The following DESI2 variants were observed in gnomAD, a reference collection of about 807,000 sequenced individuals.
DESI2 encodes the protein deubiquitinase DESI2.
A neutral mutation model predicts 24.1 loss-of-function variants in DESI2; 10 were observed. The observed-to-expected ratio is 0.41, with a 90% CI of 0.26 to 0.70. The LOEUF is 0.70. Ranked by LOEUF, DESI2 falls within the 30% of genes least tolerant of loss-of-function variation. The probability of loss-of-function intolerance (pLI) is 0.29; values close to 1 mark genes in which losing one functional copy is unlikely to be tolerated. For missense variants in DESI2, 122 were observed against 234.9 expected, an observed-to-expected ratio of 0.52 and a Z score of 3.14; for synonymous variants, 71 against 87.7, an observed-to-expected ratio of 0.81 and a Z score of 1.06.
At position 244,653,293 on chromosome 1, in the gene DESI2, G is replaced by A; in HGVS notation, c.-21G>A. 1 of 1,489,814 alleles carries A rather than the reference G, an allele frequency of 6.7e-7. No homozygotes were observed. The highest frequency in any genetic ancestry group is 8.9e-7 in the Non-Finnish European group (1 of 1,124,892). 92.3% of individuals were successfully genotyped at this position (1,489,814 alleles called of 1,614,324 possible). On this transcript the variant is annotated 5_prime_UTR_variant, in exon 1 of 5. Transcript: ENST00000302550. Reference sequence around the variant, plus strand: ...GGAGACGGAGCGGCTTGAGGACGAGGCGGCGGCCGCGGGGAGGAGGATGGG... The same window carrying A: ...GGAGACGGAGCGGCTTGAGGACGAGACGGCGGCCGCGGGGAGGAGGATGGG...
chr1:244,654,850 T>C (rs1675591919), intron 1 of DESI2, among the ~76,000 whole-genome samples: 3 of 152,226 alleles, frequency 2.0e-5, no homozygotes, highest in South Asian at 2.1e-4. Flanking sequence ...TTACTGTCTT[T>C]CAGAATATAT....
At chr1:244,704,300 T>C (rs1241347207) in intron 4 of DESI2, among the ~76,000 whole-genome samples, 4 of 152,158 alleles carry the variant, frequency 2.6e-5, no homozygotes, top group Non-Finnish European at 4.4e-5. Flanking sequence ...TCATAATCTT[T>C]GGTATAATTG....
intron 1 of DESI2, among the ~76,000 whole-genome samples, chr1:244,683,501 C>T (rs879590240): frequency 4.0e-5 from 6 of 151,896 alleles, no homozygotes; most frequent in South Asian, 2.1e-4. Context: ...TCAGTAGAGA[C>T]AGGGTTTCAC....
chr1:244,702,785 C>T (rs1401687640), intron 4 of DESI2, among the ~76,000 whole-genome samples: 1 of 152,168 alleles, frequency 6.6e-6, no homozygotes, highest in African/African-American at 2.4e-5. Flanking sequence ...AAGTCAGCTT[C>T]ACCTGTAGCA....
At chr1:244,659,713 T>C (rs572902675) in intron 1 of DESI2, among the ~76,000 whole-genome samples, 1 of 152,218 alleles carries the variant, frequency 6.6e-6, no homozygotes, top group African/African-American at 2.4e-5. Context: ...TTCCTGATAT[T>C]GAGGTCCATA....
intron 4 of DESI2, among the ~76,000 whole-genome samples, chr1:244,704,376 A>T (rs558046548): frequency 6.6e-6 from 1 of 152,280 alleles, no homozygotes; most frequent in East Asian, 1.9e-4. Context: ...TGCACAAGAG[A>T]AAAAGGATAA....
intron 1 of DESI2, among the ~76,000 whole-genome samples, chr1:244,671,388 G>A (rs1018578408): frequency 6.6e-6 from 1 of 152,088 alleles, no homozygotes. Context: ...TTTTCTGCAA[G>A]GCCGGCCCCC....
At chr1:244,660,185 GTTGTT>G (rs1195360018) in intron 1 of DESI2, among the ~76,000 whole-genome samples, 3 of 152,046 alleles carry the variant, frequency 2.0e-5, no homozygotes, top group African/African-American at 7.2e-5. Flanking sequence ...TGTTGTTGTT[GTTGTT>G]TTGAGACAGA....
At chr1:244,671,903 G>A (rs1676260315) in intron 1 of DESI2, among the ~76,000 whole-genome samples, 1 of 152,212 alleles carries the variant, frequency 6.6e-6, no homozygotes, top group South Asian at 2.1e-4. Flanking sequence ...CTTGACCTGT[G>A]TAGGGAGATT....
At chr1:244,665,877 A>G (rs1019612381) in intron 1 of DESI2, among the ~76,000 whole-genome samples, 1 of 152,118 alleles carries the variant, frequency 6.6e-6, no homozygotes, top group Non-Finnish European at 1.5e-5. Flanking sequence ...TCCCCTCTTC[A>G]TCTGGGCTAT....
intron 1 of DESI2, among the ~76,000 whole-genome samples, chr1:244,681,010 T>C (rs1676595128): frequency 6.6e-6 from 1 of 151,752 alleles, no homozygotes; most frequent in South Asian, 2.1e-4. Flanking sequence ...TTCAATATGC[T>C]ATAGTCCATT....
Position 244,689,099 on chromosome 1 carries a change from A to G in DESI2, c.116-150A>G. ...TTTTGTGACAACTGTTTATACGAGT[A>G]ATAGCTAAGTGAGATATTTGTGAAA... On this transcript the variant is annotated intron_variant, in intron 2 of 4. Coordinates refer to ENST00000302550, the MANE Select transcript of DESI2 (RefSeq NM_016076.5). This position sits in a 1 kb window ranked among gnomAD's most constrained non-coding sequence, Gnocchi z 4.0. 1 of 631,010 alleles carries G rather than the reference A, an allele frequency of 1.6e-6. No individual in the cohort carries two copies. The highest frequency in any genetic ancestry group is 2.6e-5 in the East Asian group (1 of 38,368). 39.1% of individuals were successfully genotyped at this position (631,010 alleles called of 1,614,324 possible). A position where few individuals can be genotyped will look rare whatever the true frequency, so the allele number is the denominator to read the frequency against.
intron 4 of DESI2, among the ~76,000 whole-genome samples, chr1:244,704,547 TA>T (rs11291033): frequency 0.72 from 109,530 of 151,916 alleles, 39,590 homozygotes; most frequent in Middle Eastern, 0.81. Context: ...CTGGCACTTG[TA>T]TTCTATCCCG....
At chr1:244,672,953 G>C (rs181976460) in intron 1 of DESI2, among the ~76,000 whole-genome samples, 245 of 152,242 alleles carry the variant, frequency 1.6e-3, no homozygotes, top group Middle Eastern at 6.8e-3. Context: ...TTGTAGGGGA[G>C]TAGGATAGTT....
intron 4 of DESI2, among the ~76,000 whole-genome samples, chr1:244,697,549 G>A (rs577334853): frequency 2.4e-4 from 36 of 151,938 alleles, no homozygotes; most frequent in African/African-American, 8.7e-4. Flanking sequence ...TTTGATGTCT[G>A]GATGGCTGTG....
Position 244,653,160 on chromosome 1 carries a change from G to T in DESI2, c.-154G>T. On this transcript the variant is annotated 5_prime_UTR_variant, in exon 1 of 5. Transcript: ENST00000302550. ...TGTCGGCGGCGCCCGGGAGCGGCTC[G>T]GCTGCCCGATGCTTCCGCCCCGGCT... 2 of 708,510 alleles carry T rather than the reference G, an allele frequency of 2.8e-6. No homozygotes were observed. Among genetic ancestry groups the T allele is most frequent in the Non-Finnish European group, 4.0e-6 (2 of 499,742 alleles). 43.9% of individuals were successfully genotyped at this position (708,510 alleles called of 1,614,324 possible). A position where few individuals can be genotyped will look rare whatever the true frequency, so the allele number is the denominator to read the frequency against.
chr1:244,667,582 G>A (rs1037298559), intron 1 of DESI2, among the ~76,000 whole-genome samples: 2 of 152,202 alleles, frequency 1.3e-5, no homozygotes, highest in Non-Finnish European at 2.9e-5. Context: ...AGCTAAAAAG[G>A]GGGTAGGATA....
At chr1:244,701,441 AAG>A (rs1250879197) in intron 4 of DESI2, among the ~76,000 whole-genome samples, 2 of 152,176 alleles carry the variant, frequency 1.3e-5, no homozygotes, top group Non-Finnish European at 2.9e-5. Flanking sequence ...CTTGGACTGA[AAG>A]AGACAGAGAG....
At chr1:244,654,610 A>G (rs1675582473) in intron 1 of DESI2, among the ~76,000 whole-genome samples, 1 of 152,226 alleles carries the variant, frequency 6.6e-6, no homozygotes, top group African/African-American at 2.4e-5. Flanking sequence ...AAAGTGGAAC[A>G]GGACAGAAAA....
Sources: gnomAD v4.1 joint callset for allele counts (sites outside exome capture counted in the v4.1 genomes callset) on GRCh38, gnomAD v4.1.1 for gene constraint, Gnocchi (gnomAD v3.1) non-coding constraint, MANE v1.5 for transcripts, NCBI Gene and HGNC (gene_info 2026-07-23, HGNC 2026-07-21) for gene names.